Variants in LEPR observed in about 807,000 individuals in gnomAD.
LEPR encodes the protein OB receptor.
In LEPR, 56 loss-of-function variants were observed where a neutral mutation model predicts 114.7. That is an observed-to-expected ratio of 0.49 (90% CI 0.39 to 0.61). LEPR has a LOEUF of 0.61. Ranked by LOEUF, LEPR falls within the 20% of genes least tolerant of loss-of-function variation. The pLI is 0.00. For missense variants in LEPR, 1,202 were observed against 1,352.9 expected, an observed-to-expected ratio of 0.89 and a Z score of 1.75; for synonymous variants, 443 against 461.4, an observed-to-expected ratio of 0.96 and a Z score of 0.51.
At chr1:65,446,424 A>G (rs1427058707) in intron 2 of LEPR, among the ~76,000 whole-genome samples, 2 of 152,224 alleles carry the variant, frequency 1.3e-5, no homozygotes, top group Non-Finnish European at 2.9e-5. Context: ...ATAATGAGCA[A>G]TGATATCGAA....
intron 2 of LEPR, among the ~76,000 whole-genome samples, chr1:65,559,832 C>G (rs1395092239): frequency 1.6e-5 from 2 of 128,926 alleles, no homozygotes; most frequent in East Asian, 4.2e-4. Flanking sequence ...GCTTGTTTTT[C>G]TCAGGTTTGT....
At position 65,488,230 on chromosome 1, in the gene LEPR, TTC is replaced by T. The variant is rs796227693; in HGVS notation, c.-21+62854_-21+62855del. ...TTTCTTTCTCTCTCTCTCTCTCTCT[TTC>T]TTTCTTTCTTTCTTTCTTTCTTTCT... On this transcript the variant is annotated intron_variant, in intron 2 of 19. Coordinates refer to ENST00000349533, the MANE Select transcript of LEPR (RefSeq NM_002303.6). Among the ~76,000 whole-genome samples, 33 of 49,474 alleles carry T rather than the reference TTC, an allele frequency of 6.7e-4. 2 individuals are homozygous for T. The highest frequency in any genetic ancestry group is 0.024 in the Middle Eastern group (2 of 84). 32.5% of individuals were successfully genotyped at this position (49,474 alleles called of 152,430 possible). A position where few individuals can be genotyped will look rare whatever the true frequency, so the allele number is the denominator to read the frequency against.
In LEPR at chr1:65,543,058, A is replaced by G. The variant is rs150342027; in HGVS notation, c.-20-22488A>G. Reference sequence around the variant, plus strand: ...TCATACTGTCTTCCACAATGGTTGAACTAATTTACACTCCCACCAACAGTG... The same window carrying G: ...TCATACTGTCTTCCACAATGGTTGAGCTAATTTACACTCCCACCAACAGTG... On this transcript the variant is annotated intron_variant, in intron 2 of 19. Coordinates refer to ENST00000349533, the MANE Select transcript of LEPR (RefSeq NM_002303.6). 6.7e-3 allele frequency among the ~76,000 whole-genome samples: 1,025 copies of G among 152,094 alleles called. 26 individuals are homozygous for G. The highest frequency in any genetic ancestry group is 0.023 in the African/African-American group (939 of 41,370).
At chr1:65,467,817 G>A (rs1647034177) in intron 2 of LEPR, among the ~76,000 whole-genome samples, 1 of 152,234 alleles carries the variant, frequency 6.6e-6, no homozygotes, top group Admixed American at 6.5e-5. Flanking sequence ...CAGTGAGCAA[G>A]GCTCCATGGG....
At chr1:65,574,752 G>A (rs527899464) in intron 5 of LEPR, among the ~76,000 whole-genome samples, 54 of 152,278 alleles carry the variant, frequency 3.5e-4, no homozygotes, top group South Asian at 1.0e-3. Flanking sequence ...ATGTCTTAAT[G>A]AGCCAAAAAG....
chr1:65,432,822 A>G, intron 2 of LEPR: 1 of 610,978 alleles, frequency 1.6e-6, no homozygotes, highest in Non-Finnish European at 2.0e-6. Context: ...ATGTTCTCAT[A>G]AAAAAGTTAA....
chr1:65,590,111 A>G (rs1228090187), intron 5 of LEPR, among the ~76,000 whole-genome samples: 1 of 151,878 alleles, frequency 6.6e-6, no homozygotes, highest in Non-Finnish European at 1.5e-5. Context: ...AGCATTTCAT[A>G]GTTTTCAATG....
chr1:65,452,925 G>C (rs1388802950), intron 2 of LEPR, among the ~76,000 whole-genome samples: 1 of 152,104 alleles, frequency 6.6e-6, no homozygotes, highest in Non-Finnish European at 1.5e-5. Context: ...CTTTTTGGTT[G>C]GTAAGCTATT....
At chr1:65,514,787 C>G (rs891074785) in intron 2 of LEPR, among the ~76,000 whole-genome samples, 2 of 152,242 alleles carry the variant, frequency 1.3e-5, no homozygotes, top group South Asian at 4.1e-4. Flanking sequence ...AAATGGGAAA[C>G]AGTAAAATTT....
chr1:65,435,368 T>C (rs1467180980), intron 2 of LEPR: 6 of 460,188 alleles, frequency 1.3e-5, no homozygotes, highest in Non-Finnish European at 1.6e-5. Flanking sequence ...TTTCTTTTCT[T>C]TTTTTTTTTT....
chr1:65,634,182 T>A, intron 19 of LEPR: 3 of 984,578 alleles, frequency 3.0e-6, no homozygotes, highest in Non-Finnish European at 3.6e-6. Flanking sequence ...AACGACTATG[T>A]TTAATGAACT....
intron 2 of LEPR, chr1:65,494,286 GC>G (rs1490086415): frequency 6.6e-6 from 1 of 152,004 alleles, no homozygotes; most frequent in Non-Finnish European, 1.5e-5. Context: ...TTAAAAATAG[GC>G]CTATATACTT....
intron 2 of LEPR, among the ~76,000 whole-genome samples, chr1:65,515,551 T>A (rs750408791): frequency 5.6e-4 from 86 of 152,348 alleles, no homozygotes; most frequent in Non-Finnish European, 1.1e-3. Flanking sequence ...TCTTAGAACT[T>A]CTTAGAAAAG....
At chr1:65,488,210 T>TTCTTTC (rs1557620199) in intron 2 of LEPR, among the ~76,000 whole-genome samples, 15 of 25,868 alleles carry the variant, frequency 5.8e-4, no homozygotes, top group African/African-American at 1.8e-3. Context: ...CTTTCTTTCT[T>TTCTTTC]TCTCTCTCTC....
rs1433004677 is a variant in LEPR, at chr1:65,610,276, A to C, written c.1975A>C (p.Asn659His). The change falls in exon 14 of 20, where the codon AAT becomes CAT. Residue 659 changes from asparagine (N) to histidine (H), a missense_variant. Physicochemically the swap from Asn to His is moderately conservative, Grantham distance 68. Transcript: ENST00000349533. Reference protein sequence around the residue: ...INGDTMKKEKNVTLLWKPLMK... With the variant: ...INGDTMKKEKHVTLLWKPLMK... ...TGGAGATACTATGAAAAAGGAGAAA[A>C]ATGTCACTTTACTTTGGAAGGTATT... is the stretch of plus-strand genomic sequence containing the variant. 1.2e-6 allele frequency: 2 copies of C among 1,613,222 alleles called. No individual in the cohort carries two copies. Among genetic ancestry groups the C allele is most frequent in the Admixed American group, 3.3e-5 (2 of 59,978 alleles).
At chr1:65,477,023 C>T (rs191756346) in intron 2 of LEPR, among the ~76,000 whole-genome samples, 9 of 152,116 alleles carry the variant, frequency 5.9e-5, no homozygotes, top group East Asian at 1.9e-4. Flanking sequence ...AGAAAATTGC[C>T]GCAAATATCT....
At chr1:65,517,785 G>C (rs1649365807) in intron 2 of LEPR, among the ~76,000 whole-genome samples, 1 of 152,118 alleles carries the variant, frequency 6.6e-6, no homozygotes, top group Non-Finnish European at 1.5e-5. Context: ...CTATGATGAA[G>C]AGTGCATTGT....
chr1:65,572,835 CATT>C (rs772619811), intron 5 of LEPR, among the ~76,000 whole-genome samples: 24 of 152,220 alleles, frequency 1.6e-4, no homozygotes, highest in Non-Finnish European at 3.1e-4. Context: ...CTAGGTCTCT[CATT>C]AGCAGCTCTC....
chr1:65,536,267 A>G (rs1011410179), intron 2 of LEPR, among the ~76,000 whole-genome samples: 2 of 152,070 alleles, frequency 1.3e-5, no homozygotes, highest in African/African-American at 2.4e-5. Context: ...TCTTGCTTCC[A>G]TGCTGTCACT....
Sources: allele counts gnomAD v4.1 joint callset (sites outside exome capture counted in the v4.1 genomes callset), GRCh38; gene constraint gnomAD v4.1.1; transcripts MANE v1.5; gene names NCBI Gene and HGNC (gene_info 2026-07-23, HGNC 2026-07-21).